PCDHGA3: variants seen among roughly 807,000 people sequenced by gnomAD.
PCDHGA3 encodes protocadherin gamma-A3.
In PCDHGA3, 40 loss-of-function variants were observed where a neutral mutation model predicts 58.5. The ratio of observed to expected loss-of-function variants is 0.68; its 90% CI spans 0.53 to 0.89. The LOEUF is 0.89. Among genes scored for constraint, PCDHGA3 ranks in the 40% least tolerant of loss-of-function variants. The pLI is 0.00. For synonymous variants in PCDHGA3, 530 were observed against 525.7 expected, an observed-to-expected ratio of 1.01 and a Z score of -0.11; for missense variants, 1,223 against 1,195.9, an observed-to-expected ratio of 1.02 and a Z score of -0.33.
chr5:141,415,966 C>G, intron 1 of PCDHGA3: 1 of 405,604 alleles, frequency 2.5e-6, no homozygotes, highest in Non-Finnish European at 4.0e-6. Flanking sequence ...AAACTCCAGC[C>G]CCTTAAGCAA....
chr5:141,416,650 A>G (rs935670434), intron 1 of PCDHGA3: 2 of 152,238 alleles, frequency 1.3e-5, no homozygotes, highest in Admixed American at 6.5e-5. Context: ...CCACAGCTGT[A>G]AAAAAGAAAA....
chr5:141,439,289 T>C (rs1454088176), intron 1 of PCDHGA3, among the ~76,000 whole-genome samples: 1 of 151,850 alleles, frequency 6.6e-6, no homozygotes, highest in African/African-American at 2.4e-5. Flanking sequence ...CTGTGTTCCA[T>C]GGAAAAAGTA....
intron 1 of PCDHGA3, among the ~76,000 whole-genome samples, chr5:141,444,732 A>G (rs2098445644): frequency 6.6e-6 from 1 of 152,194 alleles, no homozygotes; most frequent in Admixed American, 6.6e-5. Context: ...CTTTGTTGAA[A>G]GTCATTTCAC....
Position 141,481,350 on chromosome 5 carries a change from T to C in PCDHGA3, c.2425-13457T>C, listed in dbSNP as rs901892475. Among the ~76,000 whole-genome samples, 4 of 152,248 alleles carry C rather than the reference T, an allele frequency of 2.6e-5. No homozygotes were observed. The South Asian group carries it at 8.3e-4, about 32-fold the overall frequency. On this transcript the variant is annotated intron_variant, in intron 1 of 3. Coordinates refer to ENST00000253812, the MANE Select transcript of PCDHGA3 (RefSeq NM_018916.4). The stretch of plus-strand genomic sequence containing the variant: ...CCTGGACAACTATTATTTAAACATC[T>C]ACAGCTGTTCAATAGATATTGGGTT...
rs1757754427 is a variant in PCDHGA3 at position 141,346,454 on chromosome 5, T to G, written c.2421T>G (p.Leu807=). The G allele has an allele frequency of 1.9e-6, 3 of 1,614,188 alleles. No individual in the cohort carries two copies. The highest frequency in any genetic ancestry group is 2.7e-5 in the African/African-American group (2 of 75,050). ...AAATGAAAGGAGATTCCAACCTACT[T>G]CAGGTGAGTTTATTTATTTCTTTGA... ...LLEMKGDSNL[L]QQAPPNTDWR... Residue 807 remains leucine (L), a synonymous_variant, in exon 1 of 4, where the codon CTT becomes CTG. Transcript: ENST00000253812.
Position 141,487,165 on chromosome 5 carries a change from C to T in PCDHGA3, c.2425-7642C>T, listed in dbSNP as rs1014219030. The T allele has an allele frequency of 1.9e-6, 3 of 1,612,932 alleles. No homozygotes were observed. The highest frequency in any genetic ancestry group is 2.5e-6 in the Non-Finnish European group (3 of 1,178,918). On this transcript the variant is annotated intron_variant, in intron 1 of 3. Coordinates refer to ENST00000253812, the MANE Select transcript of PCDHGA3 (RefSeq NM_018916.4). The surrounding 1 kb of genome is among the most constrained non-coding windows in gnomAD (Gnocchi z 5.0). ...CTACCTCTGTTACTCTCTTAGTGTC[C>T]TTAGAGGAAGACACTCATCCAGTTG...
Position 141,432,211 on chromosome 5 carries a change from C to A in PCDHGA3, c.2425-62596C>A, listed in dbSNP as rs1390215329. On this transcript the variant is annotated intron_variant, in intron 1 of 3. Coordinates refer to ENST00000253812, the MANE Select transcript of PCDHGA3 (RefSeq NM_018916.4). The surrounding 1 kb of genome is among the most constrained non-coding windows in gnomAD (Gnocchi z 6.0). The stretch of plus-strand genomic sequence containing the variant: ...CCCACGACCCCGACTGTGAAGAGAA[C>A]GCCCAGATCACTTATTCCCTGGCTG... 1 of 1,614,232 alleles carries A rather than the reference C, an allele frequency of 6.2e-7. No individual in the cohort carries two copies. Among genetic ancestry groups the A allele is most frequent in the Admixed American group, 1.7e-5 (1 of 60,032 alleles).
chr5:141,489,151 AAG>A lies in PCDHGA3; in HGVS notation c.2425-5652_2425-5651del. ...TTTTTAAGAGGCTGGAAGGAGACAT[AAG>A]AGACTTCAGCTGCTGCATTCCAAGC... On this transcript the variant is annotated intron_variant, in intron 1 of 3. Coordinates refer to ENST00000253812, the MANE Select transcript of PCDHGA3 (RefSeq NM_018916.4). The surrounding 1 kb of genome is among the most constrained non-coding windows in gnomAD (Gnocchi z 4.5). The A allele has an allele frequency of 1.1e-6, 1 of 932,970 alleles. No homozygotes were observed. The highest frequency in any genetic ancestry group is 1.6e-6 in the Non-Finnish European group (1 of 622,054). 57.8% of individuals were successfully genotyped at this position (932,970 alleles called of 1,614,324 possible).
chr5:141,389,602 T>G, intron 1 of PCDHGA3: 2 of 1,613,170 alleles, frequency 1.2e-6, no homozygotes, highest in African/African-American at 2.7e-5. Flanking sequence ...TCTGCGCTCT[T>G]CGATATGGTG....
chr5:141,433,837 C>CAAAAAAAAA (rs56191208), intron 1 of PCDHGA3, among the ~76,000 whole-genome samples: 1 of 111,704 alleles, frequency 9.0e-6, no homozygotes, highest in Non-Finnish European at 1.9e-5. Flanking sequence ...AACTCTATCT[C>CAAAAAAAAA]AAAAAAAAAA....
At chr5:141,361,609 G>C in intron 1 of PCDHGA3, 2 of 1,613,956 alleles carry the variant, frequency 1.2e-6, no homozygotes, top group Middle Eastern at 1.6e-4. Flanking sequence ...CTACTCCATC[G>C]TAGCGAGCGA....
intron 1 of PCDHGA3, chr5:141,441,837 G>A (rs952709777): frequency 2.8e-6 from 1 of 354,138 alleles, no homozygotes. Context: ...ATGGCTTCGC[G>A]CTCTTGGATA....
At chr5:141,494,188 T>C (rs2099752632) in intron 1 of PCDHGA3, among the ~76,000 whole-genome samples, 1 of 152,186 alleles carries the variant, frequency 6.6e-6, no homozygotes, top group South Asian at 2.1e-4. Flanking sequence ...GTCCCGGGAC[T>C]TGGATGCCCC....
intron 1 of PCDHGA3, chr5:141,423,760 G>A: frequency 1.1e-5 from 3 of 279,660 alleles, no homozygotes; most frequent in Non-Finnish European, 1.1e-5. Flanking sequence ...TGGGGGGGGG[G>A]TGGGGCGGCA....
chr5:141,430,910 G>C, intron 1 of PCDHGA3: 2 of 1,608,040 alleles, frequency 1.2e-6, no homozygotes, highest in South Asian at 1.1e-5. Context: ...CATCTCCAGG[G>C]ACCTGGGGCT....
chr5:141,477,031 A>G lies in PCDHGA3; in HGVS notation c.2425-17776A>G. 2 of 1,614,248 alleles carry G rather than the reference A, an allele frequency of 1.2e-6. No homozygotes were observed. The highest frequency in any genetic ancestry group is 2.2e-5 in the East Asian group (1 of 44,880). On this transcript the variant is annotated intron_variant, in intron 1 of 3. Transcript: ENST00000253812. This position sits in a 1 kb window ranked among gnomAD's most constrained non-coding sequence, Gnocchi z 4.9. ...TAGACCTTGTAACCGGGATGCTGAC[A>G]ATCAAGGGTCGGCTGGACTTCGAGG...
intron 1 of PCDHGA3, chr5:141,383,343 T>TG (rs760440635): frequency 1.2e-6 from 2 of 1,613,888 alleles, no homozygotes; most frequent in Non-Finnish European, 1.7e-6. Flanking sequence ...ATACAGCTCC[T>TG]GGGGTTCGGT....
chr5:141,386,155 C>G (rs763846568), intron 1 of PCDHGA3, among the ~76,000 whole-genome samples: 1 of 152,160 alleles, frequency 6.6e-6, no homozygotes, highest in Non-Finnish European at 1.5e-5. Flanking sequence ...AACTGTCTCA[C>G]GTACTCAAAC....
chr5:141,401,730 T>C (rs1448734124), intron 1 of PCDHGA3, among the ~76,000 whole-genome samples: 4 of 152,204 alleles, frequency 2.6e-5, no homozygotes, highest in African/African-American at 4.8e-5. Context: ...ACTACTAGTC[T>C]TGTGTACATA....
Sources: gnomAD v4.1 joint callset for allele counts (sites outside exome capture counted in the v4.1 genomes callset) on GRCh38, gnomAD v4.1.1 for gene constraint, Gnocchi (gnomAD v3.1) non-coding constraint, MANE v1.5 for transcripts, NCBI Gene and HGNC (gene_info 2026-07-23, HGNC 2026-07-21) for gene names.